Variants in DLG2 observed in about 807,000 individuals in gnomAD.
The protein encoded by DLG2 is disks large homolog 2.
A neutral mutation model predicts 132.5 loss-of-function variants in DLG2; 45 were observed. The observed-to-expected ratio is 0.34, with a 90% CI of 0.27 to 0.44. The LOEUF is 0.44. DLG2 is among the 20% of genes least tolerant of loss of function. The pLI is 1.00. For missense variants in DLG2, 1,045 were observed against 1,196.9 expected (o/e 0.87, Z 1.87); for synonymous variants, 424 against 419.6 (o/e 1.01, Z -0.13).
intron 8 of DLG2, among the ~76,000 whole-genome samples, chr11:84,217,031 A>G (rs1597639904): frequency 6.6e-6 from 1 of 152,222 alleles, no homozygotes; most frequent in Non-Finnish European, 1.5e-5. Context: ...ACTAATTGTC[A>G]TTAGTTTATA....
At chr11:84,365,951 A>G (rs1286319146) in intron 7 of DLG2, among the ~76,000 whole-genome samples, 1 of 152,110 alleles carries the variant, frequency 6.6e-6, no homozygotes, top group Non-Finnish European at 1.5e-5. Flanking sequence ...CAGATTCAGG[A>G]AATACAGAGA....
intron 14 of DLG2, among the ~76,000 whole-genome samples, chr11:83,940,533 T>C (rs1037507257): frequency 1.3e-5 from 2 of 152,206 alleles, no homozygotes; most frequent in African/African-American, 4.8e-5. Context: ...ACCTGACTTG[T>C]GAGTGGTAGC....
chr11:85,113,712 C>T (rs1050732646), intron 5 of DLG2, among the ~76,000 whole-genome samples: 7 of 151,990 alleles, frequency 4.6e-5, no homozygotes, highest in African/African-American at 1.7e-4. Flanking sequence ...CTTTAGACCA[C>T]ACTTTTCTCA....
At chr11:83,988,823 T>G (rs565152677) in intron 11 of DLG2, among the ~76,000 whole-genome samples, 2 of 152,080 alleles carry the variant, frequency 1.3e-5, no homozygotes, top group Non-Finnish European at 2.9e-5. Flanking sequence ...CTATATATAT[T>G]TTTTTCCTTA....
chr11:84,365,202 T>A (rs1193513093), intron 7 of DLG2, among the ~76,000 whole-genome samples: 1 of 152,198 alleles, frequency 6.6e-6, no homozygotes, highest in Non-Finnish European at 1.5e-5. Context: ...CTTTTATTGG[T>A]CTATTCAGAG....
intron 7 of DLG2, among the ~76,000 whole-genome samples, chr11:84,432,438 G>A (rs997232820): frequency 2.0e-4 from 31 of 152,180 alleles, no homozygotes; most frequent in Admixed American, 1.9e-3. Flanking sequence ...ATCTACTGAA[G>A]CATAAATGTT....
chr11:85,270,223 C>T (rs2077444377), intron 4 of DLG2, among the ~76,000 whole-genome samples: 1 of 152,140 alleles, frequency 6.6e-6, no homozygotes, highest in Non-Finnish European at 1.5e-5. Flanking sequence ...GCAAGTCTTT[C>T]CCATGCTATT....
At chr11:84,887,961 C>T (rs867388773) in intron 6 of DLG2, among the ~76,000 whole-genome samples, 3 of 152,080 alleles carry the variant, frequency 2.0e-5, no homozygotes, top group African/African-American at 4.8e-5. Flanking sequence ...CAATTCATTA[C>T]CTCAAAAACT....
intron 6 of DLG2, among the ~76,000 whole-genome samples, chr11:84,931,530 GTAC>G (rs1310013800): frequency 3.3e-5 from 5 of 152,156 alleles, no homozygotes; most frequent in Non-Finnish European, 1.5e-5. Flanking sequence ...AGTATTTCAT[GTAC>G]TACATGAAGA....
chr11:84,126,092 T>C (rs2094158282), intron 9 of DLG2, among the ~76,000 whole-genome samples: 3 of 152,140 alleles, frequency 2.0e-5, no homozygotes, highest in African/African-American at 7.2e-5. Context: ...ATGGAGGTCA[T>C]TGGAAACCTT....
intron 6 of DLG2, among the ~76,000 whole-genome samples, chr11:85,097,549 T>C (rs930346753): frequency 6.6e-6 from 1 of 152,264 alleles, no homozygotes; most frequent in African/African-American, 2.4e-5. Flanking sequence ...TCAGGCTGTT[T>C]AACAAAGGTT....
rs1355857446 is a variant in DLG2 at position 83,786,737 on chromosome 11, T to C, written c.1778A>G (p.Lys593Arg). 33 of 1,614,040 alleles carry C rather than the reference T, an allele frequency of 2.0e-5. No homozygotes were observed. The highest frequency in any genetic ancestry group is 2.8e-5 in the Non-Finnish European group (33 of 1,180,032). The change falls in exon 18 of 28, where the codon AAG becomes AGG. Residue 593 changes from lysine to arginine, a missense_variant. By Grantham distance (26) the Lys-to-Arg change is conservative. Around this residue, in one of 4 missense-constraint regions of DLG2, gnomAD observed 398 missense variants for 543.6 expected, o/e 0.73. Coordinates refer to ENST00000376104, the MANE Select transcript of DLG2 (RefSeq NM_001142699.3). Reference sequence around the variant, plus strand: ...AATCGTCACTGTCTGTCCAGCCCCCTTTAGTGCAGCAGCTGCCTGCTCGTG... The same window carrying C: ...AATCGTCACTGTCTGTCCAGCCCCCCTTAGTGCAGCAGCTGCCTGCTCGTG... ...ASHEQAAAAL[K>R]GAGQTVTIIA...
chr11:84,722,695 A>G (rs1319514668), intron 6 of DLG2, among the ~76,000 whole-genome samples: 3 of 152,164 alleles, frequency 2.0e-5, no homozygotes, highest in African/African-American at 7.2e-5. Context: ...GACTTATCTG[A>G]AGGAAACTCA....
chr11:83,519,343 G>T (rs577892430), intron 21 of DLG2, among the ~76,000 whole-genome samples: 2 of 152,284 alleles, frequency 1.3e-5, no homozygotes, highest in South Asian at 2.1e-4. Context: ...CATTAATGCT[G>T]TAATTTTGAA....
At chr11:84,105,619 T>C (rs2092849272) in intron 9 of DLG2, among the ~76,000 whole-genome samples, 1 of 152,180 alleles carries the variant, frequency 6.6e-6, no homozygotes, top group African/African-American at 2.4e-5. Context: ...CTTTTCTTTG[T>C]TAAAACAAAA....
chr11:85,422,895 C>A (rs1455838629), intron 3 of DLG2, among the ~76,000 whole-genome samples: 2 of 152,014 alleles, frequency 1.3e-5, no homozygotes, highest in African/African-American at 2.4e-5. Context: ...TTCTCTTGTG[C>A]CTCCCTGATT....
chr11:84,936,131 C>T (rs1170338283), intron 6 of DLG2, among the ~76,000 whole-genome samples: 1 of 152,094 alleles, frequency 6.6e-6, no homozygotes, highest in African/African-American at 2.4e-5. Flanking sequence ...GAAGCTGTTA[C>T]CTAGAAAGAA....
At chr11:84,382,281 G>C (rs1351823606) in intron 7 of DLG2, among the ~76,000 whole-genome samples, 1 of 151,982 alleles carries the variant, frequency 6.6e-6, no homozygotes, top group African/African-American at 2.4e-5. Context: ...AAAACCACCA[G>C]ACAGCTGTCA....
At position 85,588,609 on chromosome 11, in the gene DLG2, T is replaced by C. The variant is rs78441539; in HGVS notation, c.40+10048A>G. On this transcript the variant is annotated intron_variant, in intron 3 of 27. Transcript: ENST00000376104. ...GTATTGTTTTTTAAATTTGTTTAAA[T>C]TGGTTTTCCCCTTTCTCTGGTATCT... Among the ~76,000 whole-genome samples, 1,386 of 152,298 alleles carry C rather than the reference T, an allele frequency of 9.1e-3. 18 individuals carry two copies. The highest frequency in any genetic ancestry group is 0.03 in the African/African-American group (1,236 of 41,552).
Sources: allele counts gnomAD v4.1 joint callset (sites outside exome capture counted in the v4.1 genomes callset), GRCh38; gene constraint gnomAD v4.1.1; regional missense constraint gnomAD v4.1.1; transcripts MANE v1.5; gene names NCBI Gene and HGNC (gene_info 2026-07-23, HGNC 2026-07-21).